PDGFD: variants seen among roughly 807,000 people sequenced by gnomAD.
PDGFD encodes the protein platelet-derived growth factor D.
Under a neutral mutation model 44.7 loss-of-function variants are expected in PDGFD, and 30 were observed. The ratio of observed to expected loss-of-function variants is 0.67; its 90% CI spans 0.50 to 0.91. The LOEUF (loss-of-function observed/expected upper bound fraction) is 0.91. Among genes scored for constraint, PDGFD ranks in the 40% least tolerant of loss-of-function variants. PDGFD has a pLI of 0.00. For synonymous variants in PDGFD, 173 were observed against 168.4 expected (o/e 1.03, Z -0.21); for missense variants, 445 against 457.8 (o/e 0.97, Z 0.25).
intron 1 of PDGFD, chr11:104,037,759 T>A: frequency 6.2e-7 from 1 of 1,614,136 alleles, no homozygotes. Flanking sequence ...TGAAGGTGAT[T>A]TCTTACAGTG....
chr11:104,109,516 G>T (rs1861520618), intron 1 of PDGFD, among the ~76,000 whole-genome samples: 1 of 152,014 alleles, frequency 6.6e-6, no homozygotes, highest in Non-Finnish European at 1.5e-5. Flanking sequence ...TTTTAATATT[G>T]TACGTAGGCT....
At chr11:104,041,869 C>T (rs1221034124) in intron 1 of PDGFD, among the ~76,000 whole-genome samples, 1 of 152,150 alleles carries the variant, frequency 6.6e-6, no homozygotes, top group East Asian at 1.9e-4. Flanking sequence ...ATCTTCACTG[C>T]AGGTATTAAC....
intron 3 of PDGFD, among the ~76,000 whole-genome samples, chr11:103,985,627 G>T (rs1423720231): frequency 6.7e-6 from 1 of 149,926 alleles, no homozygotes; most frequent in African/African-American, 2.5e-5. Context: ...GAGGTGACTA[G>T]GTTATCAGGG....
chr11:104,118,795 A>G (rs1233701870), intron 1 of PDGFD, among the ~76,000 whole-genome samples: 1 of 108,522 alleles, frequency 9.2e-6, no homozygotes, highest in Non-Finnish European at 1.7e-5. Flanking sequence ...TATATATTAT[A>G]AATATTAATA....
At chr11:103,956,504 T>C (rs1858852442) in intron 3 of PDGFD, among the ~76,000 whole-genome samples, 1 of 122,960 alleles carries the variant, frequency 8.1e-6, no homozygotes, top group Non-Finnish European at 1.7e-5. Flanking sequence ...CTATTGTGAA[T>C]AGTACCACAA....
At chr11:104,158,100 G>A (rs1012998288) in intron 1 of PDGFD, among the ~76,000 whole-genome samples, 5 of 152,214 alleles carry the variant, frequency 3.3e-5, no homozygotes, top group South Asian at 2.1e-4. Context: ...TCTATATTAG[G>A]TGCTCTTTGT....
At chr11:104,029,574 A>C (rs1031265685) in intron 1 of PDGFD, among the ~76,000 whole-genome samples, 1 of 152,202 alleles carries the variant, frequency 6.6e-6, no homozygotes, top group South Asian at 2.1e-4. Context: ...GTTATGGTAC[A>C]TTTTTTAAAA....
intron 1 of PDGFD, among the ~76,000 whole-genome samples, chr11:104,047,898 A>T (rs567887895): frequency 1.6e-4 from 24 of 152,278 alleles, no homozygotes; most frequent in Non-Finnish European, 3.1e-4. Flanking sequence ...TATTAAATGC[A>T]TTACATTCAT....
intron 3 of PDGFD, 35 bp downstream of exon 3, chr11:103,996,030 G>C (rs754055857): frequency 1.9e-6 from 3 of 1,559,520 alleles, no homozygotes; most frequent in Non-Finnish European, 2.6e-6. Flanking sequence ...TGAAACCAGT[G>C]TCTGCTTTTA....
At chr11:104,124,921 G>A (rs58997101) in intron 1 of PDGFD, among the ~76,000 whole-genome samples, 28,498 of 151,942 alleles carry the variant, frequency 0.19, 2,783 homozygotes, top group Middle Eastern at 0.29. Flanking sequence ...TTTCTTTTAC[G>A]TCAGGTGAGT....
chr11:104,115,591 T>A (rs371803698), intron 1 of PDGFD, among the ~76,000 whole-genome samples: 24 of 152,134 alleles, frequency 1.6e-4, no homozygotes, highest in African/African-American at 5.1e-4. Context: ...GTTCTACTTT[T>A]AGTTCTTTAA....
In PDGFD at chr11:104,139,861, C is replaced by A. The variant is rs1344903047; in HGVS notation, c.124+23943G>T. ...GACCATCCTGGCTAACAAGGTGAAA[C>A]CCCGTCTCTACTAAAAAAAAAAAAA... On this transcript the variant is annotated intron_variant, in intron 1 of 6. Coordinates refer to ENST00000393158, the MANE Select transcript of PDGFD (RefSeq NM_025208.5). Among the ~76,000 whole-genome samples the A allele has an allele frequency of 2.2e-4, 6 of 27,226 alleles. 2 individuals carry two copies. The highest frequency in any genetic ancestry group is 2.0e-3 in the Admixed American group (6 of 3,038). The allele number at this position is 27,226 out of a possible 152,430, so 17.9% of individuals were successfully genotyped here.
At chr11:103,912,506 T>C (rs1591072386) in intron 6 of PDGFD, among the ~76,000 whole-genome samples, 1 of 152,170 alleles carries the variant, frequency 6.6e-6, no homozygotes, top group Admixed American at 6.5e-5. Context: ...GAACAACTGG[T>C]ACCAGCCACT....
At chr11:104,159,489 T>G (rs911822681) in intron 1 of PDGFD, among the ~76,000 whole-genome samples, 1 of 152,182 alleles carries the variant, frequency 6.6e-6, no homozygotes, top group African/African-American at 2.4e-5. Flanking sequence ...AAGAGTAATT[T>G]CCAGAAGGAA....
Position 103,927,113 on chromosome 11 carries a change from C to T in PDGFD, c.786G>A (p.Arg262=). The change falls in exon 6 of 7, where the codon AGG becomes AGA. Residue 262 remains arginine (R), a synonymous_variant. Coordinates refer to ENST00000393158, the MANE Select transcript of PDGFD (RefSeq NM_025208.5). ...TGTAACGCTTGGCATCATCATTGAG[C>T]CTATCCAGGTCAACTGTAAGCAAAT... The part of the protein sequence containing the change: ...HDRKSKVDLD[R]LNDDAKRYSC... 1 of 1,613,970 alleles carries T rather than the reference C, an allele frequency of 6.2e-7. No homozygotes were observed. Among genetic ancestry groups the T allele is most frequent in the Non-Finnish European group, 8.5e-7 (1 of 1,179,940 alleles).
chr11:104,082,280 C>G (rs1451167693), intron 1 of PDGFD, among the ~76,000 whole-genome samples: 1 of 151,784 alleles, frequency 6.6e-6, no homozygotes, highest in African/African-American at 2.4e-5. Flanking sequence ...GGGTGCCTTT[C>G]GCTCTGAGTG....
At chr11:104,159,877 CT>C (rs1862364627) in intron 1 of PDGFD, among the ~76,000 whole-genome samples, 1 of 152,142 alleles carries the variant, frequency 6.6e-6, no homozygotes, top group South Asian at 2.1e-4. Flanking sequence ...AAACCCTGCT[CT>C]TTAAAAAAGT....
chr11:103,927,155 C>G, intron 5 of PDGFD, 29 bp from the exon 6 acceptor site: 1 of 1,583,948 alleles, frequency 6.3e-7, no homozygotes, highest in Non-Finnish European at 8.7e-7. Flanking sequence ...ACTGTGTAAG[C>G]AAACACAACA....
At chr11:104,103,462 GTATATATATATATATATA>G (rs58684985) in intron 1 of PDGFD, among the ~76,000 whole-genome samples, 1 of 133,266 alleles carries the variant, frequency 7.5e-6, no homozygotes, top group Middle Eastern at 4.3e-3. Flanking sequence ...GTGTGTGTGT[GTATATATATATATATATA>G]TATATATATA....
Sources: allele counts gnomAD v4.1 joint callset (sites outside exome capture counted in the v4.1 genomes callset), GRCh38; gene constraint gnomAD v4.1.1; transcripts MANE v1.5; gene names NCBI Gene and HGNC (gene_info 2026-07-23, HGNC 2026-07-21).